Variants in PTPRD observed in about 807,000 individuals in gnomAD.
The protein encoded by PTPRD is receptor-type tyrosine-protein phosphatase delta.
In PTPRD, 34 loss-of-function variants were observed where a neutral mutation model predicts 214.5. The ratio of observed to expected loss-of-function variants is 0.16; its 90% CI spans 0.12 to 0.21. The LOEUF (loss-of-function observed/expected upper bound fraction) is 0.21. Ranked by LOEUF, PTPRD falls within the 10% of genes least tolerant of loss-of-function variation. The probability of loss-of-function intolerance (pLI) is 1.00; values close to 1 mark genes in which losing one functional copy is unlikely to be tolerated. For synonymous variants in PTPRD, 1,128 were observed against 845.7 expected, an observed-to-expected ratio of 1.33 and a Z score of -5.79; for missense variants, 2,545 against 2,398.7, an observed-to-expected ratio of 1.06 and a Z score of -1.27.
intron 7 of PTPRD, among the ~76,000 whole-genome samples, chr9:9,621,652 C>G (rs2095243921): frequency 6.6e-6 from 1 of 152,064 alleles, no homozygotes; most frequent in Non-Finnish European, 1.5e-5. Flanking sequence ...ATTTTTAAAC[C>G]CTTTGAAAAA....
At chr9:9,467,108 A>T (rs1394347100) in intron 8 of PTPRD, among the ~76,000 whole-genome samples, 1 of 151,848 alleles carries the variant, frequency 6.6e-6, no homozygotes, top group Non-Finnish European at 1.5e-5. Context: ...ATTTCCAAAC[A>T]GTTGTTACTA....
At chr9:8,844,215 T>A (rs2097638831) in intron 11 of PTPRD, among the ~76,000 whole-genome samples, 1 of 152,218 alleles carries the variant, frequency 6.6e-6, no homozygotes, top group African/African-American at 2.4e-5. Context: ...ATACAATCTT[T>A]TATCTATGGA....
intron 2 of PTPRD, among the ~76,000 whole-genome samples, chr9:10,344,413 G>A (rs905654685): frequency 5.9e-5 from 9 of 152,124 alleles, no homozygotes; most frequent in Non-Finnish European, 1.0e-4. Context: ...CCAGCACCAT[G>A]CTGTTTTGGT....
At chr9:9,361,740 A>T (rs2056243470) in intron 9 of PTPRD, among the ~76,000 whole-genome samples, 1 of 151,226 alleles carries the variant, frequency 6.6e-6, no homozygotes, top group African/African-American at 2.4e-5. Flanking sequence ...TTTCAGTCTC[A>T]AGATTAAGCA....
chr9:10,108,067 G>C (rs1205236427), intron 3 of PTPRD, among the ~76,000 whole-genome samples: 4 of 152,120 alleles, frequency 2.6e-5, no homozygotes, highest in Non-Finnish European at 5.9e-5. Context: ...GATGGATGTT[G>C]TGGGAATAAG....
At chr9:10,193,688 ACTT>A (rs1336034362) in intron 3 of PTPRD, among the ~76,000 whole-genome samples, 1 of 152,100 alleles carries the variant, frequency 6.6e-6, no homozygotes, top group African/African-American at 2.4e-5. Flanking sequence ...TTCTATTAGC[ACTT>A]CTTCTTGTAG....
At chr9:8,398,986 T>C (rs1360964578) in intron 36 of PTPRD, among the ~76,000 whole-genome samples, 1 of 152,164 alleles carries the variant, frequency 6.6e-6, no homozygotes, top group Non-Finnish European at 1.5e-5. Flanking sequence ...TATTACATAC[T>C]AGGTTTATTC....
intron 5 of PTPRD, among the ~76,000 whole-genome samples, chr9:9,907,156 A>T (rs558233810): frequency 2.9e-5 from 2 of 68,316 alleles, no homozygotes; most frequent in African/African-American, 1.1e-4. Flanking sequence ...CCTATTCCCC[A>T]AACTCCAGGT....
chr9:10,052,250 A>G lies in PTPRD; in HGVS notation c.-544-18460T>C, dbSNP rs78403476. On this transcript the variant is annotated intron_variant, in intron 3 of 45. Transcript: ENST00000381196. ...CTGCTTCACCTGCCTTTACAAATCA[A>G]TACTGCCTACTAACAGAATAAAGTA... 4.4e-3 allele frequency among the ~76,000 whole-genome samples: 676 copies of G among 152,278 alleles called. 25 individuals are homozygous for G. In the East Asian group the frequency reaches 0.096, roughly 22 times the overall value.
rs1820968683 is a variant in PTPRD at position 8,315,038 on chromosome 9, A to T, written c.*2836T>A. On this transcript the variant is annotated 3_prime_UTR_variant, in exon 46 of 46. Coordinates refer to ENST00000381196, the MANE Select transcript of PTPRD (RefSeq NM_002839.4). ...TAATTACAAAATTATACATAACTAC[A>T]CGTACATAGGTAAATAATAGCACCG... 8.6e-6 allele frequency: 2 copies of T among 232,490 alleles called. No homozygotes were observed. Among genetic ancestry groups the T allele is most frequent in the South Asian group, 1.8e-4 (1 of 5,518 alleles). The allele number at this position is 232,490 out of a possible 1,614,324, so 14.4% of individuals were successfully genotyped here. A position where few individuals can be genotyped will look rare whatever the true frequency, so the allele number is the denominator to read the frequency against.
At chr9:10,028,494 T>C (rs571627946) in intron 4 of PTPRD, among the ~76,000 whole-genome samples, 33 of 152,286 alleles carry the variant, frequency 2.2e-4, no homozygotes, top group African/African-American at 7.5e-4. Flanking sequence ...CCCTAGAGAC[T>C]TGTTGCATGG....
At chr9:8,825,961 C>T (rs1183324377) in intron 11 of PTPRD, among the ~76,000 whole-genome samples, 1 of 152,072 alleles carries the variant, frequency 6.6e-6, no homozygotes, top group African/African-American at 2.4e-5. Flanking sequence ...GATTTTATGG[C>T]CTGTATTTTG....
chr9:9,405,055 T>C (rs1359152927), intron 8 of PTPRD, among the ~76,000 whole-genome samples: 1 of 152,090 alleles, frequency 6.6e-6, no homozygotes, highest in Non-Finnish European at 1.5e-5. Context: ...TTGTCAATTT[T>C]AACCAGCTCT....
intron 8 of PTPRD, among the ~76,000 whole-genome samples, chr9:9,543,491 T>C (rs908576567): frequency 6.6e-6 from 1 of 151,664 alleles, no homozygotes; most frequent in Admixed American, 6.6e-5. Flanking sequence ...AATTATATCA[T>C]AATAAAGATT....
At chr9:8,658,643 G>C (rs1298177140) in intron 12 of PTPRD, among the ~76,000 whole-genome samples, 1 of 146,666 alleles carries the variant, frequency 6.8e-6, no homozygotes, top group African/African-American at 2.5e-5. Context: ...TTGCAATTTT[G>C]TGCAGCATCT....
intron 11 of PTPRD, among the ~76,000 whole-genome samples, chr9:8,928,898 G>A (rs7022167): frequency 1.3e-5 from 2 of 152,012 alleles, no homozygotes; most frequent in African/African-American, 4.8e-5. Flanking sequence ...GCCTGAAGAA[G>A]TCCTTCGCAT....
At chr9:9,355,092 G>A (rs550633644) in intron 9 of PTPRD, among the ~76,000 whole-genome samples, 3 of 151,814 alleles carry the variant, frequency 2.0e-5, no homozygotes, top group Non-Finnish European at 2.9e-5. Context: ...GCTTTATTAA[G>A]AATGAGTTGT....
At chr9:8,470,467 T>C (rs1164424224) in intron 31 of PTPRD, among the ~76,000 whole-genome samples, 2 of 152,178 alleles carry the variant, frequency 1.3e-5, no homozygotes, top group African/African-American at 4.8e-5. Context: ...ATTTGTTTTC[T>C]CTATAGTTAA....
chr9:9,617,808 C>T (rs1231301446), intron 7 of PTPRD, among the ~76,000 whole-genome samples: 2 of 151,704 alleles, frequency 1.3e-5, no homozygotes, highest in Non-Finnish European at 2.9e-5. Flanking sequence ...CGCGGTGGCT[C>T]ATGTCTGTAA....
Sources: gnomAD v4.1 joint callset for allele counts (sites outside exome capture counted in the v4.1 genomes callset) on GRCh38, gnomAD v4.1.1 for gene constraint, MANE v1.5 for transcripts, NCBI Gene and HGNC (gene_info 2026-07-23, HGNC 2026-07-21) for gene names.